Variants in PTCHD4 observed in about 807,000 individuals in gnomAD.
PTCHD4 encodes the protein patched domain containing 4.
A neutral mutation model predicts 58.1 loss-of-function variants in PTCHD4; 33 were observed. The observed-to-expected ratio is 0.57, with a 90% CI of 0.43 to 0.76. The LOEUF (loss-of-function observed/expected upper bound fraction) is 0.76. Ranked by LOEUF, PTCHD4 falls within the 30% of genes least tolerant of loss-of-function variation. The pLI is 0.00. For synonymous variants in PTCHD4, 478 were observed against 409.6 expected, an observed-to-expected ratio of 1.17 and a Z score of -2.02; for missense variants, 1,058 against 1,027.1, an observed-to-expected ratio of 1.03 and a Z score of -0.41.
chr6:48,017,559 G>A (rs1021060962), intron 3 of PTCHD4, among the ~76,000 whole-genome samples: 2 of 152,170 alleles, frequency 1.3e-5, no homozygotes, highest in African/African-American at 4.8e-5. Context: ...CTGGGACTTG[G>A]TTGGAAATTT....
At position 48,008,865 on chromosome 6, in the gene PTCHD4, A is replaced by T. The variant is rs1762565286; in HGVS notation, c.667T>A (p.Phe223Ile). ...CTGGCCAGGATGCTGGTCTTATGAA[A>T]GTCCCTCCAGAGGCTAAAGGATGCT... ...SLASFSLWRDFHKTSILARSK... is the reference protein window; with the variant it reads ...SLASFSLWRDIHKTSILARSK... Residue 223 changes from phenylalanine (F) to isoleucine (I), a missense_variant, in exon 4 of 5, where the codon TTT becomes ATT. Phe to Ile is a conservative substitution (Grantham distance 21). Coordinates refer to ENST00000339488, the MANE Select transcript of PTCHD4 (RefSeq NM_001384253.1). 1 of 1,614,036 alleles carries T rather than the reference A, an allele frequency of 6.2e-7. No homozygotes were observed. Among genetic ancestry groups the T allele is most frequent in the Non-Finnish European group, 8.5e-7 (1 of 1,179,906 alleles).
intron 4 of PTCHD4, among the ~76,000 whole-genome samples, chr6:47,929,738 C>A (rs143635472): frequency 6.6e-6 from 1 of 152,352 alleles, no homozygotes; most frequent in Non-Finnish European, 1.5e-5. Context: ...TGGATATCCA[C>A]TGAGTGTGCA....
At position 48,068,897 on chromosome 6, in the gene PTCHD4, G is replaced by C. The variant is rs1764906303; in HGVS notation, c.5+56C>G. Among the ~76,000 whole-genome samples the C allele has an allele frequency of 6.6e-6, 1 of 151,394 alleles. No individual in the cohort carries two copies. On this transcript the variant is annotated intron_variant, in intron 2 of 4. Coordinates refer to ENST00000339488, the MANE Select transcript of PTCHD4 (RefSeq NM_001384253.1). The surrounding 1 kb of genome is among the most constrained non-coding windows in gnomAD (Gnocchi z 4.2). ...GGGGGCGGGCGGCGGGCGCCGCGGG[G>C]CCCACCCCCTCCCCGGTCTCCCCGC...
chr6:48,027,897 G>A (rs1009445862), intron 3 of PTCHD4, among the ~76,000 whole-genome samples: 74 of 152,104 alleles, frequency 4.9e-4, no homozygotes, highest in Middle Eastern at 3.4e-3. Context: ...GGAAAGTAAC[G>A]TATATAAAAA....
At chr6:47,879,960 A>C in intron 4 of PTCHD4, 24 bp from the exon 5 acceptor site, 1 of 1,440,448 alleles carries the variant, frequency 6.9e-7, no homozygotes, top group Non-Finnish European at 9.2e-7. Context: ...AAAAGAAAAT[A>C]ATAATTATTT....
chr6:47,864,959 C>T lies in PTCHD4; in HGVS notation c.*13344G>A, dbSNP rs560567979. On this transcript the variant is annotated 3_prime_UTR_variant, in exon 5 of 5. Transcript: ENST00000339488. ...ATAAAAGCATGTGCCTTATACATAA[C>T]TTTCATAGAAGATGACTGCAGAGCA... Among the ~76,000 whole-genome samples the T allele has an allele frequency of 3.3e-5, 5 of 151,958 alleles. No homozygotes were observed. The highest frequency in any genetic ancestry group is 1.3e-4 in the Admixed American group (2 of 15,244).
chr6:47,990,389 T>G (rs771788481), intron 4 of PTCHD4, among the ~76,000 whole-genome samples: 3 of 152,050 alleles, frequency 2.0e-5, no homozygotes, highest in Non-Finnish European at 4.4e-5. Flanking sequence ...TGATATGGTT[T>G]GGTTGTGTCC....
At chr6:47,886,971 G>A (rs983137176) in intron 4 of PTCHD4, among the ~76,000 whole-genome samples, 1 of 152,074 alleles carries the variant, frequency 6.6e-6, no homozygotes. Context: ...CCGTTGGTGG[G>A]CCCATCTTTT....
intron 3 of PTCHD4, among the ~76,000 whole-genome samples, chr6:48,031,583 G>GA (rs1763442022): frequency 6.6e-6 from 1 of 152,238 alleles, no homozygotes; most frequent in East Asian, 1.9e-4. Context: ...AGAGAGTGAA[G>GA]AATGTGAGAA....
chr6:48,097,267 G>A (rs1350700447), intron 1 of PTCHD4, among the ~76,000 whole-genome samples: 4 of 152,056 alleles, frequency 2.6e-5, no homozygotes, highest in Non-Finnish European at 5.9e-5. Context: ...ATAATTAACA[G>A]ATCTTTTTAT....
chr6:47,873,834 A>G lies in PTCHD4; in HGVS notation c.*4469T>C, dbSNP rs1429478920. Among the ~76,000 whole-genome samples, 1 of 151,768 alleles carries G rather than the reference A, an allele frequency of 6.6e-6. No homozygotes were observed. The highest frequency in any genetic ancestry group is 2.4e-5 in the African/African-American group (1 of 41,402). On this transcript the variant is annotated 3_prime_UTR_variant, in exon 5 of 5. Coordinates refer to ENST00000339488, the MANE Select transcript of PTCHD4 (RefSeq NM_001384253.1). Reference sequence around the variant, plus strand: ...TTGTCACAAAATTTTGGTAATTGAGAAAAAGCTAAAACTTTTTTTGTTTGT... The same window carrying G: ...TTGTCACAAAATTTTGGTAATTGAGGAAAAGCTAAAACTTTTTTTGTTTGT...
At chr6:47,943,242 T>C (rs539325285) in intron 4 of PTCHD4, among the ~76,000 whole-genome samples, 1 of 152,300 alleles carries the variant, frequency 6.6e-6, no homozygotes, top group African/African-American at 2.4e-5. Context: ...GCATGGTTTA[T>C]GTAAAATTTG....
intron 4 of PTCHD4, among the ~76,000 whole-genome samples, chr6:47,965,200 G>A (rs1048511588): frequency 2.6e-5 from 4 of 152,154 alleles, no homozygotes; most frequent in African/African-American, 9.7e-5. Flanking sequence ...TAGTGCTTCA[G>A]TAAGCAAATT....
At chr6:48,012,287 A>T (rs1453347965) in intron 3 of PTCHD4, among the ~76,000 whole-genome samples, 2 of 152,060 alleles carry the variant, frequency 1.3e-5, no homozygotes, top group Non-Finnish European at 2.9e-5. Context: ...GGTCCTTTAC[A>T]TGCATTGTAA....
At position 47,879,367 on chromosome 6, in the gene PTCHD4, T is replaced by G. The variant is rs1246611343; in HGVS notation, c.1468A>C (p.Asn490His). The change falls in exon 5 of 5, where the codon AAT (asparagine) becomes CAT (histidine). Residue 490 changes from asparagine (N) to histidine (H), a missense_variant. By Grantham distance (68) the Asn-to-His change is moderately conservative (BLOSUM62 1). Coordinates refer to ENST00000339488, the MANE Select transcript of PTCHD4 (RefSeq NM_001384253.1). ...LQISDGANII[N>H]LLASDSPSVS... The stretch of plus-strand genomic sequence containing the variant: ...CTTGGCGAATCACTGGCTAGTAGAT[T>G]GATGATGTTGGCTCCGTCACTGATC... 2 of 1,613,468 alleles carry G rather than the reference T, an allele frequency of 1.2e-6. No individual in the cohort carries two copies. The highest frequency in any genetic ancestry group is 2.7e-5 in the African/African-American group (2 of 74,908).
At chr6:47,987,467 G>A (rs1383503614) in intron 4 of PTCHD4, among the ~76,000 whole-genome samples, 3 of 150,640 alleles carry the variant, frequency 2.0e-5, no homozygotes, top group East Asian at 3.9e-4. Context: ...AAGTGATGGT[G>A]CAGCTGCTTA....
At chr6:48,055,139 A>T (rs1234498002) in intron 3 of PTCHD4, among the ~76,000 whole-genome samples, 3 of 152,198 alleles carry the variant, frequency 2.0e-5, no homozygotes, top group Non-Finnish European at 4.4e-5. Flanking sequence ...TGGCTCCCCT[A>T]CTAGTCCATC....
At chr6:47,890,040 T>C (rs1401386481) in intron 4 of PTCHD4, among the ~76,000 whole-genome samples, 1 of 151,758 alleles carries the variant, frequency 6.6e-6, no homozygotes, top group Non-Finnish European at 1.5e-5. Flanking sequence ...TGTGTATATA[T>C]ATATATGTGT....
intron 4 of PTCHD4, among the ~76,000 whole-genome samples, chr6:47,955,564 T>C (rs941035843): frequency 6.6e-6 from 1 of 152,236 alleles, no homozygotes; most frequent in Non-Finnish European, 1.5e-5. Flanking sequence ...TCCTGGAGTG[T>C]AGGAAACCTT....
Sources: gnomAD v4.1 joint callset for allele counts (sites outside exome capture counted in the v4.1 genomes callset) on GRCh38, gnomAD v4.1.1 for gene constraint, Gnocchi (gnomAD v3.1) non-coding constraint, MANE v1.5 for transcripts, NCBI Gene and HGNC (gene_info 2026-07-23, HGNC 2026-07-21) for gene names.